The following WWP2 variants were observed in gnomAD, a reference collection of about 807,000 sequenced individuals.
WWP2 encodes the protein NEDD4-like E3 ubiquitin-protein ligase WWP2.
WWP2 carries 57 observed loss-of-function variants against 121.0 expected under a neutral mutation model. That is an observed-to-expected ratio of 0.47 (90% confidence interval 0.38 to 0.59). WWP2 has a LOEUF of 0.59. WWP2 is among the 20% of genes least tolerant of loss of function. The pLI, the probability that WWP2 is intolerant of heterozygous loss-of-function variation, is 0.00. For synonymous variants in WWP2, 449 were observed against 441.3 expected (o/e 1.02, Z -0.22); for missense variants, 962 against 1,158.9 (o/e 0.83, Z 2.47).
chr16:69,930,894 A>G (rs543426268), intron 13 of WWP2, among the ~76,000 whole-genome samples: 1 of 152,288 alleles, frequency 6.6e-6, no homozygotes, highest in East Asian at 1.9e-4. Flanking sequence ...AAACAAATAA[A>G]TAAGATGGGA....
intron 7 of WWP2, among the ~76,000 whole-genome samples, chr16:69,878,642 G>A (rs1187982121): frequency 1.3e-5 from 2 of 152,090 alleles, no homozygotes; most frequent in Admixed American, 6.5e-5. Context: ...GATTGCAGAC[G>A]TGAGCCACTG....
chr16:69,814,333 CT>C (rs1040109718), intron 4 of WWP2, among the ~76,000 whole-genome samples: 2 of 152,144 alleles, frequency 1.3e-5, no homozygotes, highest in African/African-American at 4.8e-5. Context: ...GCTACTGAAC[CT>C]GTATATTAAA....
intron 9 of WWP2, among the ~76,000 whole-genome samples, chr16:69,916,078 T>A (rs1324768562): frequency 6.6e-6 from 1 of 151,668 alleles, no homozygotes; most frequent in Non-Finnish European, 1.5e-5. Context: ...TAAATAAAAA[T>A]CACTAGTTTA....
intron 4 of WWP2, among the ~76,000 whole-genome samples, chr16:69,826,938 C>CAAAA (rs542288952): frequency 0.021 from 1,761 of 84,980 alleles, 163 homozygotes; most frequent in East Asian, 0.18. Context: ...GACTCCACCT[C>CAAAA]AAAAAAAAAA....
chr16:69,855,961 C>A (rs755333952), intron 6 of WWP2, among the ~76,000 whole-genome samples: 1 of 152,076 alleles, frequency 6.6e-6, no homozygotes, highest in Non-Finnish European at 1.5e-5. Flanking sequence ...GTTTTTAGTG[C>A]TTTTTCTCTT....
chr16:69,934,796 G>A (rs1161569945), intron 17 of WWP2, among the ~76,000 whole-genome samples: 1 of 152,010 alleles, frequency 6.6e-6, no homozygotes, highest in Non-Finnish European at 1.5e-5. Flanking sequence ...GAAAGCTCTG[G>A]TTTCTCCAGA....
In WWP2 at chr16:69,930,380, C is replaced by CT. The variant is rs2058694951; in HGVS notation, c.1445+123dup. The CT allele has an allele frequency of 2.1e-6, 3 of 1,445,764 alleles. No individual in the cohort carries two copies. In the East Asian group the frequency reaches 7.1e-5, roughly 34 times the overall value. The allele number at this position is 1,445,764 out of a possible 1,614,324, so 89.6% of individuals were successfully genotyped here. A position where few individuals can be genotyped will look rare whatever the true frequency, so the allele number is the denominator to read the frequency against. Reference sequence around the variant, plus strand: ...TGCGTTCTACTGCCCTTACTGCCCTCTAGTGGCCAATGTTGATGTCATATT... The same window carrying CT: ...TGCGTTCTACTGCCCTTACTGCCCTCTTAGTGGCCAATGTTGATGTCATATT... On this transcript the variant is annotated intron_variant, in intron 13 of 23. Transcript: ENST00000359154.
At chr16:69,883,432 T>A (rs1393771442) in intron 7 of WWP2, among the ~76,000 whole-genome samples, 1 of 146,108 alleles carries the variant, frequency 6.8e-6, no homozygotes, top group African/African-American at 2.5e-5. Flanking sequence ...ACACACTCAT[T>A]TACTCCTACT....
At chr16:69,928,584 CCT>C (rs1421839083) in intron 11 of WWP2, among the ~76,000 whole-genome samples, 2 of 152,110 alleles carry the variant, frequency 1.3e-5, no homozygotes, top group Non-Finnish European at 2.9e-5. Context: ...TGAACATTCC[CCT>C]GTCTCAAAGC....
intron 9 of WWP2, among the ~76,000 whole-genome samples, chr16:69,914,071 C>CAA (rs34269202): frequency 0.023 from 754 of 32,232 alleles, 105 homozygotes; most frequent in Admixed American, 0.08. Context: ...GACTCTGTCT[C>CAA]AAAAAAAAAA....
At chr16:69,909,388 A>G in intron 9 of WWP2, 1 of 986,022 alleles carries the variant, frequency 1.0e-6, no homozygotes, top group Non-Finnish European at 1.2e-6. Context: ...TGTATAAAAT[A>G]TGCACACTTC....
chr16:69,878,669 A>T (rs997991933), intron 7 of WWP2, among the ~76,000 whole-genome samples: 5 of 151,492 alleles, frequency 3.3e-5, no homozygotes, highest in Non-Finnish European at 7.4e-5. Flanking sequence ...GCCTGTTTTT[A>T]TACATGGTTT....
Position 69,871,804 on chromosome 16 carries a change from G to A in WWP2, c.576G>A (p.Arg192=). ...TCTGCTTTCTACTTTGAACCCCCAGGACGCACAGACATTCGGGTGCTTCAG... is the reference window on the plus strand; with the variant it reads ...TCTGCTTTCTACTTTGAACCCCCAGAACGCACAGACATTCGGGTGCTTCAG... The part of the protein sequence containing the change: ...PSTNCFGGRS[R]THRHSGASAR... Residue 192 remains arginine (R), a splice_region_variant and synonymous_variant, in exon 7 of 24, where the codon CGG becomes CGA. Transcript: ENST00000359154. 3 of 1,614,024 alleles carry A rather than the reference G, an allele frequency of 1.9e-6. No homozygotes were observed. The highest frequency in any genetic ancestry group is 2.5e-6 in the Non-Finnish European group (3 of 1,180,000).
chr16:69,790,580 T>TG (rs1314572099), intron 2 of WWP2, among the ~76,000 whole-genome samples: 1 of 152,228 alleles, frequency 6.6e-6, no homozygotes, highest in East Asian at 1.9e-4. Flanking sequence ...GCATCTTTTT[T>TG]TTTGTTTGTT....
intron 8 of WWP2, among the ~76,000 whole-genome samples, chr16:69,904,170 C>T (rs942665702): frequency 6.6e-5 from 10 of 152,190 alleles, no homozygotes; most frequent in Non-Finnish European, 1.3e-4. Flanking sequence ...ATCAGATTTG[C>T]TCCTCTGTTA....
At chr16:69,821,559 C>T (rs1050874631) in intron 4 of WWP2, among the ~76,000 whole-genome samples, 3 of 152,146 alleles carry the variant, frequency 2.0e-5, no homozygotes, top group Non-Finnish European at 4.4e-5. Context: ...GTCGGTCAGC[C>T]TCGTGGGAAC....
In WWP2 at chr16:69,888,096, C is replaced by A. The variant is rs143752055; in HGVS notation, c.761C>A (p.Thr254Lys). The A allele has an allele frequency of 6.2e-7, 1 of 1,614,218 alleles. No homozygotes were observed. The highest frequency in any genetic ancestry group is 8.5e-7 in the Non-Finnish European group (1 of 1,180,038). ...GAAGAACCTTCCGTTGTTGGTGTGA[C>A]GTCCCCACCTGCTGCACCCTTGAGT... ...DPEEPSVVGV[T>K]SPPAAPLSVT... The change falls in exon 8 of 24, where the codon ACG becomes AAG. Residue 254 changes from threonine to lysine, a missense_variant. By Grantham distance (78) the Thr-to-Lys change is moderately conservative. Coordinates refer to ENST00000359154, the MANE Select transcript of WWP2 (RefSeq NM_001270454.2).
At position 69,846,491 on chromosome 16, in the gene WWP2, C is replaced by T. The variant is rs532645053; in HGVS notation, c.575+4371C>T. Reference sequence around the variant, plus strand: ...TCCCAGCATTTTGGGGAGGTCGAGGCGGATGGATCACTTGAGGTCAGGAGT... The same window carrying T: ...TCCCAGCATTTTGGGGAGGTCGAGGTGGATGGATCACTTGAGGTCAGGAGT... On this transcript the variant is annotated intron_variant, in intron 6 of 23. Transcript: ENST00000359154. 5.9e-5 allele frequency among the ~76,000 whole-genome samples: 9 copies of T among 152,132 alleles called. No homozygotes were observed. In the East Asian group the frequency reaches 1.5e-3, roughly 26 times the overall value.
At chr16:69,910,793 A>G (rs2058368475) in intron 9 of WWP2, among the ~76,000 whole-genome samples, 1 of 152,158 alleles carries the variant, frequency 6.6e-6, no homozygotes, top group South Asian at 2.1e-4. Flanking sequence ...TTAAGTAAAG[A>G]TATTCAGTGG....
Sources: allele counts gnomAD v4.1 joint callset (sites outside exome capture counted in the v4.1 genomes callset), GRCh38; gene constraint gnomAD v4.1.1; transcripts MANE v1.5; gene names NCBI Gene and HGNC (gene_info 2026-07-23, HGNC 2026-07-21).